MPC2: variants seen among roughly 807,000 people sequenced by gnomAD.
The protein encoded by MPC2 is mitochondrial pyruvate carrier 2, also known as brain protein 44.
MPC2 carries 19 observed loss-of-function variants against 19.2 expected under a neutral mutation model. The observed-to-expected ratio is 0.99, with a 90% CI of 0.69 to 1.45. The LOEUF (loss-of-function observed/expected upper bound fraction) is 1.45. Among genes scored for constraint, MPC2 ranks in the 40% most tolerant of loss-of-function variants. The pLI is 0.00. For synonymous variants in MPC2, 61 were observed against 54.3 expected (o/e 1.12, Z -0.54); for missense variants, 122 against 153.0 (o/e 0.80, Z 1.07).
intron 2 of MPC2, among the ~76,000 whole-genome samples, chr1:167,927,876 A>T (rs1428874669): frequency 6.6e-6 from 1 of 152,216 alleles, no homozygotes; most frequent in Non-Finnish European, 1.5e-5. Flanking sequence ...ATTTTAAACT[A>T]TGAAAACAAG....
chr1:167,922,922 C>T (rs1670639247), intron 3 of MPC2, among the ~76,000 whole-genome samples: 3 of 152,142 alleles, frequency 2.0e-5, no homozygotes, highest in Non-Finnish European at 4.4e-5. Context: ...AGAATATACA[C>T]AACTGACCAA....
intron 2 of MPC2, among the ~76,000 whole-genome samples, chr1:167,933,735 C>T (rs561359531): frequency 1.3e-5 from 2 of 152,252 alleles, no homozygotes; most frequent in East Asian, 3.9e-4. Context: ...AGATTTTATT[C>T]AATACTCATC....
At chr1:167,921,716 A>C (rs1444064854) in intron 3 of MPC2, among the ~76,000 whole-genome samples, 2 of 152,066 alleles carry the variant, frequency 1.3e-5, no homozygotes, top group African/African-American at 4.8e-5. Context: ...TGATTTAATA[A>C]ATTGTTTTTT....
At chr1:167,925,447 A>G (rs1400064673) in intron 2 of MPC2, among the ~76,000 whole-genome samples, 88 of 87,300 alleles carry the variant, frequency 1.0e-3, no homozygotes, top group Admixed American at 1.5e-3. Context: ...ATACACATAT[A>G]TATATATATA....
intron 5 of MPC2, among the ~76,000 whole-genome samples, chr1:167,918,760 A>ATT (rs1398026618): frequency 6.6e-6 from 1 of 151,656 alleles, no homozygotes; most frequent in African/African-American, 2.4e-5. Context: ...CTTCTGGCTA[A>ATT]TTTTTTGTAT....
intron 4 of MPC2, 99 bp from the exon 5 acceptor site, chr1:167,920,189 GA>G: frequency 1.3e-6 from 1 of 753,488 alleles, no homozygotes; most frequent in Middle Eastern, 2.8e-4. Context: ...AATAATGTAG[GA>G]TGAGGGACAA....
At chr1:167,936,112 G>C (rs948019576) in intron 1 of MPC2, 3 of 526,596 alleles carry the variant, frequency 5.7e-6, no homozygotes, top group East Asian at 6.8e-5. Context: ...CATGGCAACA[G>C]GTGCCAAAAT....
At chr1:167,926,058 A>G (rs1670749315) in intron 2 of MPC2, among the ~76,000 whole-genome samples, 1 of 152,246 alleles carries the variant, frequency 6.6e-6, no homozygotes. Context: ...AACACTAGAA[A>G]GAAGATCACG....
intron 2 of MPC2, among the ~76,000 whole-genome samples, chr1:167,927,708 GC>G (rs1670796028): frequency 6.6e-6 from 1 of 152,170 alleles, no homozygotes; most frequent in Non-Finnish European, 1.5e-5. Flanking sequence ...CAGTAGGTTT[GC>G]CTGGTAACTA....
At chr1:167,930,513 A>G (rs1255834357) in intron 2 of MPC2, among the ~76,000 whole-genome samples, 1 of 152,228 alleles carries the variant, frequency 6.6e-6, no homozygotes, top group Admixed American at 6.5e-5. Flanking sequence ...ACTTTCCCCA[A>G]TGAAATCTGA....
intron 2 of MPC2, among the ~76,000 whole-genome samples, chr1:167,925,468 T>C (rs1379061968): frequency 8.6e-6 from 1 of 116,092 alleles, no homozygotes; most frequent in African/African-American, 4.3e-5. Flanking sequence ...TATATATATA[T>C]ATATATACAT....
intron 2 of MPC2, among the ~76,000 whole-genome samples, chr1:167,925,182 A>C (rs1670702036): frequency 6.6e-6 from 1 of 151,948 alleles, no homozygotes; most frequent in Non-Finnish European, 1.5e-5. Flanking sequence ...TCATTAATTC[A>C]ATGTCATTTT....
intron 2 of MPC2, among the ~76,000 whole-genome samples, chr1:167,925,444 T>TATATATATATAC (rs1307701359): frequency 1.4e-5 from 1 of 71,652 alleles, no homozygotes; most frequent in Non-Finnish European, 3.1e-5. Flanking sequence ...CATATACACA[T>TATATATATATAC]ATATATATAT....
At chr1:167,927,731 T>C (rs910706398) in intron 2 of MPC2, among the ~76,000 whole-genome samples, 19 of 152,326 alleles carry the variant, frequency 1.2e-4, no homozygotes, top group African/African-American at 4.1e-4. Context: ...TTTACTAAAC[T>C]GCCTAGAGCT....
At chr1:167,925,440 C>CACATATATATATAT (rs1401955581) in intron 2 of MPC2, among the ~76,000 whole-genome samples, 1 of 49,660 alleles carries the variant, frequency 2.0e-5, no homozygotes, top group African/African-American at 8.8e-5. Context: ...TATACATATA[C>CACATATATATATAT]ACATATATAT....
chr1:167,936,543 C>T, intron 1 of MPC2: 1 of 274,736 alleles, frequency 3.6e-6, no homozygotes, highest in Non-Finnish European at 7.1e-6. Flanking sequence ...CAGCCTCAGT[C>T]CCCAGGGTGG....
At chr1:167,934,634 C>T (rs1671013137) in intron 2 of MPC2, among the ~76,000 whole-genome samples, 1 of 152,212 alleles carries the variant, frequency 6.6e-6, no homozygotes, top group South Asian at 2.1e-4. Flanking sequence ...CCAGTTCAGA[C>T]TCCAGAGAGC....
chr1:167,929,180 G>A (rs1331930310), intron 2 of MPC2, among the ~76,000 whole-genome samples: 3 of 151,600 alleles, frequency 2.0e-5, no homozygotes, highest in Non-Finnish European at 4.4e-5. Context: ...CCAACATGGA[G>A]AAACCCCATC....
At chr1:167,928,636 A>G (rs1670821417) in intron 2 of MPC2, among the ~76,000 whole-genome samples, 1 of 152,260 alleles carries the variant, frequency 6.6e-6, no homozygotes, top group Non-Finnish European at 1.5e-5. Flanking sequence ...AATAGTGACA[A>G]TACAATGTCA....
Sources: allele counts gnomAD v4.1 joint callset (sites outside exome capture counted in the v4.1 genomes callset), GRCh38; gene constraint gnomAD v4.1.1; transcripts MANE v1.5; gene names NCBI Gene and HGNC (gene_info 2026-07-23, HGNC 2026-07-21).